The following SRFBP1 variants were observed in gnomAD, a reference collection of about 807,000 sequenced individuals.
SRFBP1 encodes serum response factor binding protein 1.
SRFBP1 carries 47 observed loss-of-function variants against 45.5 expected under a neutral mutation model. The observed-to-expected ratio is 1.03, with a 90% CI of 0.82 to 1.32. The LOEUF (loss-of-function observed/expected upper bound fraction) is 1.32, where lower values mean the gene tolerates loss of function less well. Ranked by LOEUF, SRFBP1 falls within the 40% of genes most tolerant of loss-of-function variation. The probability of loss-of-function intolerance (pLI) is 0.00; values close to 1 mark genes in which losing one functional copy is unlikely to be tolerated. For synonymous variants in SRFBP1, 203 were observed against 166.3 expected (o/e 1.22, Z -1.70); for missense variants, 621 against 484.6 (o/e 1.28, Z -2.64).
intron 2 of SRFBP1, among the ~76,000 whole-genome samples, chr5:122,044,498 C>A (rs188145323): frequency 6.6e-6 from 1 of 152,022 alleles, no homozygotes; most frequent in Non-Finnish European, 1.5e-5. Context: ...TTCTCCACAA[C>A]CTTGCCAGCA....
At chr5:121,974,949 T>A (rs1752271374) in intron 2 of SRFBP1, among the ~76,000 whole-genome samples, 1 of 151,898 alleles carries the variant, frequency 6.6e-6, no homozygotes, top group Non-Finnish European at 1.5e-5. Context: ...AAATTTTCAT[T>A]TGATAAAATT....
chr5:122,071,229 T>A (rs1056906351), intron 2 of SRFBP1, among the ~76,000 whole-genome samples: 1 of 151,234 alleles, frequency 6.6e-6, no homozygotes, highest in Non-Finnish European at 1.5e-5. Flanking sequence ...GTATAAAAAT[T>A]CAATTTTCAC....
intron 2 of SRFBP1, among the ~76,000 whole-genome samples, chr5:122,039,255 G>A (rs537639742): frequency 1.3e-5 from 2 of 152,238 alleles, no homozygotes; most frequent in Admixed American, 1.3e-4. Flanking sequence ...TGGTGTTTAA[G>A]AAGGTATATC....
At chr5:121,965,371 G>T (rs867582280) in intron 1 of SRFBP1, among the ~76,000 whole-genome samples, 8 of 152,274 alleles carry the variant, frequency 5.3e-5, no homozygotes, top group African/African-American at 1.9e-4. Context: ...TTTGTATAAG[G>T]TGTAAGGAAG....
chr5:122,078,874 T>C (rs1754719657), downstream of SRFBP1, among the ~76,000 whole-genome samples: 1 of 152,252 alleles, frequency 6.6e-6, no homozygotes, highest in Admixed American at 6.5e-5. Context: ...AAAAGTGAAA[T>C]TGTACAGGGA....
At chr5:122,055,493 C>T (rs754660999) in intron 2 of SRFBP1, among the ~76,000 whole-genome samples, 11 of 152,132 alleles carry the variant, frequency 7.2e-5, no homozygotes, top group Admixed American at 3.9e-4. Flanking sequence ...GTAAATAATA[C>T]AGCAAACCAA....
At chr5:121,991,033 G>T (rs2112670900) in intron 3 of SRFBP1, among the ~76,000 whole-genome samples, 1 of 152,242 alleles carries the variant, frequency 6.6e-6, no homozygotes, top group South Asian at 2.1e-4. Flanking sequence ...AATTTATAAT[G>T]AAGAGAGTTG....
Position 122,055,823 on chromosome 5 carries a change from G to T in SRFBP1, n.312-19492G>T, listed in dbSNP as rs76234561. Among the ~76,000 whole-genome samples the T allele has an allele frequency of 5.1e-3, 773 of 152,274 alleles. 18 individuals carry two copies. In the East Asian group the frequency reaches 0.051, roughly 10 times the overall value. On this transcript the variant is annotated intron_variant and non_coding_transcript_variant, in intron 2 of 2. Transcript: ENST00000504881. Reference sequence around the variant, plus strand: ...ATTACCATTTTCACTTAATGGTGTTGTGAAAGTTGAAACCAGTGAAAGGAA... The same window carrying T: ...ATTACCATTTTCACTTAATGGTGTTTTGAAAGTTGAAACCAGTGAAAGGAA...
chr5:122,002,982 G>A (rs1752902017), intron 4 of SRFBP1, among the ~76,000 whole-genome samples: 1 of 152,138 alleles, frequency 6.6e-6, no homozygotes. Context: ...GTCTTTGTCA[G>A]AAAAGCAACA....
intron 4 of SRFBP1, among the ~76,000 whole-genome samples, chr5:121,998,079 A>T (rs967566070): frequency 1.3e-5 from 2 of 152,086 alleles, no homozygotes; most frequent in Non-Finnish European, 2.9e-5. Context: ...CTGTAAACTT[A>T]GTTCAACCAT....
chr5:122,041,056 A>G (rs1753765021), intron 2 of SRFBP1, among the ~76,000 whole-genome samples: 1 of 152,158 alleles, frequency 6.6e-6, no homozygotes, highest in Non-Finnish European at 1.5e-5. Context: ...TCAGTTAAAT[A>G]TTTGCTTTTC....
intron 2 of SRFBP1, among the ~76,000 whole-genome samples, chr5:122,052,431 G>C (rs1246219170): frequency 6.6e-6 from 1 of 152,120 alleles, no homozygotes; most frequent in Non-Finnish European, 1.5e-5. Context: ...TTTCTTGGAG[G>C]TTTTGCTTTT....
At chr5:122,005,065 G>T (rs1352442510) in intron 4 of SRFBP1, among the ~76,000 whole-genome samples, 2 of 152,094 alleles carry the variant, frequency 1.3e-5, no homozygotes, top group East Asian at 3.8e-4. Flanking sequence ...TTGTGGCCCA[G>T]CATATCATCT....
intron 1 of SRFBP1, among the ~76,000 whole-genome samples, chr5:121,967,817 C>T (rs1442257417): frequency 1.3e-5 from 2 of 152,164 alleles, no homozygotes; most frequent in Non-Finnish European, 2.9e-5. Flanking sequence ...CCTGCCTGGG[C>T]AATAGAGCCA....
chr5:121,978,351 T>A (rs1752345365), intron 3 of SRFBP1, among the ~76,000 whole-genome samples: 1 of 152,132 alleles, frequency 6.6e-6, no homozygotes, highest in Admixed American at 6.5e-5. Context: ...ATATCCAGAC[T>A]CACTTTCCTA....
chr5:122,023,816 G>C (rs937867459), intron 7 of SRFBP1, among the ~76,000 whole-genome samples: 1 of 152,110 alleles, frequency 6.6e-6, no homozygotes, highest in Non-Finnish European at 1.5e-5. Context: ...GTGGATTTCT[G>C]ACCTCTGTTT....
intron 2 of SRFBP1, among the ~76,000 whole-genome samples, chr5:122,058,449 G>T (rs1158155542): frequency 6.6e-6 from 1 of 151,694 alleles, no homozygotes; most frequent in Non-Finnish European, 1.5e-5. Context: ...CAATGGCTTA[G>T]CTTCTTGAAG....
intron 4 of SRFBP1, among the ~76,000 whole-genome samples, chr5:122,006,888 T>C (rs941825978): frequency 6.6e-6 from 1 of 152,108 alleles, no homozygotes; most frequent in African/African-American, 2.4e-5. Flanking sequence ...TTTGTCATTC[T>C]GTTCTATATC....
At chr5:122,058,159 T>C (rs895708088) in intron 2 of SRFBP1, among the ~76,000 whole-genome samples, 1 of 152,200 alleles carries the variant, frequency 6.6e-6, no homozygotes, top group Non-Finnish European at 1.5e-5. Context: ...AGGGTAATAT[T>C]ATTTAAATCA....
Sources: allele counts gnomAD v4.1 joint callset (sites outside exome capture counted in the v4.1 genomes callset), GRCh38; gene constraint gnomAD v4.1.1; transcripts MANE v1.5; gene names NCBI Gene and HGNC (gene_info 2026-07-23, HGNC 2026-07-21).